Variants in LPAR1 observed in about 807,000 individuals in gnomAD.
LPAR1 encodes lysophosphatidic acid receptor 1.
LPAR1 carries 5 observed loss-of-function variants against 23.8 expected under a neutral mutation model. The ratio of observed to expected loss-of-function variants is 0.21; its 90% CI spans 0.11 to 0.44. The LOEUF is 0.44. Among genes scored for constraint, LPAR1 ranks in the 20% least tolerant of loss-of-function variants. The probability of loss-of-function intolerance (pLI) is 0.99; values close to 1 mark genes in which losing one functional copy is unlikely to be tolerated. For missense variants in LPAR1, 311 were observed against 482.8 expected (o/e 0.64, Z 3.33); for synonymous variants, 160 against 164.7 (o/e 0.97, Z 0.22).
chr9:110,970,613 T>C (rs925840252), intron 4 of LPAR1, among the ~76,000 whole-genome samples: 1 of 152,070 alleles, frequency 6.6e-6, no homozygotes, highest in Admixed American at 6.5e-5. Context: ...TCCCAAATGG[T>C]GTTGAGGAGA....
chr9:110,960,112 G>A (rs530138771), intron 4 of LPAR1, among the ~76,000 whole-genome samples: 3 of 152,166 alleles, frequency 2.0e-5, no homozygotes, highest in South Asian at 2.1e-4. Flanking sequence ...TATAGTTAAC[G>A]AAAATGTATG....
At chr9:110,945,435 G>A (rs1204948468) in intron 4 of LPAR1, 3 of 152,134 alleles carry the variant, frequency 2.0e-5, no homozygotes, top group Admixed American at 2.0e-4. Flanking sequence ...AAAAAAAGAA[G>A]AGATAGAAAG....
At chr9:110,913,510 T>C (rs1048916692) in intron 5 of LPAR1, among the ~76,000 whole-genome samples, 2 of 149,984 alleles carry the variant, frequency 1.3e-5, no homozygotes, top group African/African-American at 5.1e-5. Flanking sequence ...TTTATATATA[T>C]ATGTATATGT....
At chr9:110,907,058 T>C (rs574019282) in intron 5 of LPAR1, among the ~76,000 whole-genome samples, 80 of 152,308 alleles carry the variant, frequency 5.3e-4, no homozygotes, top group African/African-American at 1.9e-3. Flanking sequence ...CAAAAGTTGA[T>C]ATATATTTGA....
chr9:111,029,047 C>A (rs573870394), intron 2 of LPAR1, among the ~76,000 whole-genome samples: 1 of 152,282 alleles, frequency 6.6e-6, no homozygotes, highest in Admixed American at 6.5e-5. Flanking sequence ...AAACGCTCAA[C>A]AAATGCTTGA....
chr9:111,005,575 A>AAAAG (rs1564316925), intron 2 of LPAR1, among the ~76,000 whole-genome samples: 1 of 131,526 alleles, frequency 7.6e-6, no homozygotes, highest in African/African-American at 3.2e-5. Flanking sequence ...AAAAAAAAAA[A>AAAAG]AAGAAGAATT....
At position 110,962,080 on chromosome 9, in the gene LPAR1, C is replaced by T. The variant is rs1300091995; in HGVS notation, c.45+9993G>A. Among the ~76,000 whole-genome samples, 3 of 152,178 alleles carry T rather than the reference C, an allele frequency of 2.0e-5. No homozygotes were observed. In the South Asian group the frequency reaches 6.2e-4, roughly 32 times the overall value. On this transcript the variant is annotated intron_variant, in intron 4 of 5. Transcript: ENST00000683809. ...CTCCACTGCCATAGCATTGAATTCC[C>T]CCCTGTAACTTCAGTGTTGCCCTAG... is the stretch of plus-strand genomic sequence containing the variant.
In LPAR1 at chr9:111,008,634, G is replaced by A. The variant is rs183049708; in HGVS notation, c.-182+27488C>T. On this transcript the variant is annotated intron_variant, in intron 2 of 5. Transcript: ENST00000683809. ...AAAAAATACTGACCCAAGTCACACAGGGAGAGGGTCAGAAAATGTGACTGT... is the reference window on the plus strand; with the variant it reads ...AAAAAATACTGACCCAAGTCACACAAGGAGAGGGTCAGAAAATGTGACTGT... Among the ~76,000 whole-genome samples the A allele has an allele frequency of 7.4e-3, 1,123 of 152,242 alleles. 9 individuals carry two copies. Among genetic ancestry groups the A allele is most frequent in the South Asian group, 0.025 (121 of 4,824 alleles).
intron 4 of LPAR1, among the ~76,000 whole-genome samples, chr9:110,962,790 G>C (rs762133250): frequency 1.6e-4 from 25 of 152,208 alleles, no homozygotes; most frequent in Non-Finnish European, 2.9e-4. Flanking sequence ...GTGATGTTAT[G>C]CAATTACCAA....
chr9:110,903,129 C>A (rs1456349544), intron 5 of LPAR1, among the ~76,000 whole-genome samples: 3 of 152,232 alleles, frequency 2.0e-5, no homozygotes, highest in African/African-American at 7.2e-5. Context: ...AATTACCCAA[C>A]AAACCAAAAG....
At chr9:110,946,679 T>TAC (rs58390932) in intron 4 of LPAR1, among the ~76,000 whole-genome samples, 3,162 of 150,732 alleles carry the variant, frequency 0.021, 110 homozygotes, top group African/African-American at 0.068. Flanking sequence ...AAAAAATAAA[T>TAC]ACACACACAC....
intron 2 of LPAR1, among the ~76,000 whole-genome samples, chr9:111,002,595 G>A (rs1055318623): frequency 2.0e-5 from 3 of 152,148 alleles, no homozygotes; most frequent in Admixed American, 6.6e-5. Context: ...ACTAATAATG[G>A]GAGGTAATGA....
At chr9:110,988,029 G>A (rs934786466) in intron 2 of LPAR1, among the ~76,000 whole-genome samples, 1 of 151,926 alleles carries the variant, frequency 6.6e-6, no homozygotes, top group Non-Finnish European at 1.5e-5. Flanking sequence ...AAGAATGACA[G>A]CAGATTTCTC....
intron 5 of LPAR1, among the ~76,000 whole-genome samples, chr9:110,936,102 T>C (rs907919814): frequency 6.6e-6 from 1 of 152,114 alleles, no homozygotes; most frequent in Admixed American, 6.5e-5. Flanking sequence ...ATCACTCCAC[T>C]CGTCATCACT....
At chr9:110,997,978 A>G (rs1424301213) in intron 2 of LPAR1, among the ~76,000 whole-genome samples, 1 of 152,214 alleles carries the variant, frequency 6.6e-6, no homozygotes, top group Non-Finnish European at 1.5e-5. Context: ...AAATTGTAAT[A>G]TGTGGCACAC....
chr9:110,961,348 C>T (rs192664156), intron 4 of LPAR1, among the ~76,000 whole-genome samples: 6 of 151,798 alleles, frequency 4.0e-5, no homozygotes, highest in East Asian at 3.9e-4. Flanking sequence ...GGGCCAGGCA[C>T]GGTGGCTCAC....
chr9:110,987,807 T>A (rs969041002), intron 2 of LPAR1, among the ~76,000 whole-genome samples: 1 of 151,980 alleles, frequency 6.6e-6, no homozygotes, highest in African/African-American at 2.4e-5. Flanking sequence ...GGGTCAACTG[T>A]ACACGTAACT....
intron 2 of LPAR1, among the ~76,000 whole-genome samples, chr9:111,022,830 T>C (rs534572836): frequency 4.5e-4 from 69 of 151,772 alleles, no homozygotes; most frequent in East Asian, 1.8e-3. Context: ...GCGGGCGGAT[T>C]ACGAGGTCAG....
chr9:110,924,921 T>C (rs1279868186), intron 5 of LPAR1, among the ~76,000 whole-genome samples: 2 of 152,202 alleles, frequency 1.3e-5, no homozygotes, highest in Non-Finnish European at 2.9e-5. Flanking sequence ...TCAATAATTA[T>C]CTATGTATAT....
Sources: gnomAD v4.1 joint callset for allele counts (sites outside exome capture counted in the v4.1 genomes callset) on GRCh38, gnomAD v4.1.1 for gene constraint, MANE v1.5 for transcripts, NCBI Gene and HGNC (gene_info 2026-07-23, HGNC 2026-07-21) for gene names.